The following RIMS2 variants were observed in gnomAD, a reference collection of about 807,000 sequenced individuals.
The protein encoded by RIMS2 is regulating synaptic membrane exocytosis protein 2.
A neutral mutation model predicts 174.4 loss-of-function variants in RIMS2; 59 were observed. The observed-to-expected ratio is 0.34, with a 90% CI of 0.27 to 0.42. The LOEUF (loss-of-function observed/expected upper bound fraction) is 0.42. Ranked by LOEUF, RIMS2 falls within the 10% of genes least tolerant of loss-of-function variation. The pLI, the probability that RIMS2 is intolerant of heterozygous loss-of-function variation, is 1.00. For synonymous variants in RIMS2, 606 were observed against 572.5 expected (o/e 1.06, Z -0.84); for missense variants, 1,620 against 1,666.3 (o/e 0.97, Z 0.48).
intron 19 of RIMS2, among the ~76,000 whole-genome samples, chr8:104,240,643 A>G (rs562237308): frequency 6.6e-6 from 1 of 152,232 alleles, no homozygotes; most frequent in African/African-American, 2.4e-5. Context: ...GCATTAATAC[A>G]CAAACTCGTA....
At chr8:103,883,984 T>C (rs1473487331) in intron 3 of RIMS2, among the ~76,000 whole-genome samples, 5 of 151,848 alleles carry the variant, frequency 3.3e-5, no homozygotes, top group Non-Finnish European at 2.9e-5. Flanking sequence ...TTGGCCTTTA[T>C]TCCTGTCGCC....
intron 2 of RIMS2, among the ~76,000 whole-genome samples, chr8:103,753,470 T>A (rs1251553674): frequency 2.6e-5 from 4 of 152,246 alleles, no homozygotes; most frequent in South Asian, 2.1e-4. Flanking sequence ...AGGGGGAGGA[T>A]TCCCTCTTTT....
chr8:103,982,978 A>G (rs1288077715), intron 16 of RIMS2, among the ~76,000 whole-genome samples: 1 of 152,220 alleles, frequency 6.6e-6, no homozygotes, highest in Admixed American at 6.5e-5. Flanking sequence ...CTTGCAGATG[A>G]CATGATCTTA....
intron 19 of RIMS2, among the ~76,000 whole-genome samples, chr8:104,109,973 A>C (rs7461951): frequency 0.23 from 35,191 of 152,140 alleles, 4,463 homozygotes; most frequent in East Asian, 0.58. Context: ...TAGGGAAAAT[A>C]GTTGTTAACA....
intron 1 of RIMS2, among the ~76,000 whole-genome samples, chr8:103,587,190 G>A (rs558349202): frequency 6.6e-6 from 1 of 151,926 alleles, no homozygotes; most frequent in Non-Finnish European, 1.5e-5. Flanking sequence ...CCAATAACAA[G>A]TATGAGATCA....
intron 1 of RIMS2, among the ~76,000 whole-genome samples, chr8:103,633,860 G>T (rs915331590): frequency 2.0e-5 from 3 of 152,150 alleles, no homozygotes; most frequent in Non-Finnish European, 4.4e-5. Context: ...TCCTATTTCT[G>T]TGGCATCAGT....
At chr8:103,795,408 G>A (rs375868966) in intron 3 of RIMS2, among the ~76,000 whole-genome samples, 1 of 125,522 alleles carries the variant, frequency 8.0e-6, no homozygotes, top group Non-Finnish European at 1.6e-5. Context: ...ACAGAGTAGG[G>A]AACATCACAC....
intron 19 of RIMS2, among the ~76,000 whole-genome samples, chr8:104,121,578 G>C (rs1258448521): frequency 1.3e-5 from 2 of 152,188 alleles, no homozygotes; most frequent in Non-Finnish European, 1.5e-5. Flanking sequence ...TACAAAGTAT[G>C]TGTAAATAGG....
At chr8:103,969,553 T>G (rs562842401) in intron 15 of RIMS2, among the ~76,000 whole-genome samples, 1 of 152,310 alleles carries the variant, frequency 6.6e-6, no homozygotes, top group Admixed American at 6.5e-5. Context: ...TTTTTAGCTC[T>G]TTCTTAGAAT....
intron 2 of RIMS2, among the ~76,000 whole-genome samples, chr8:103,745,899 G>T (rs1176405961): frequency 2.0e-5 from 3 of 152,096 alleles, no homozygotes; most frequent in African/African-American, 7.2e-5. Flanking sequence ...TATTCTGTGG[G>T]TTGTCTTTTC....
intron 4 of RIMS2, among the ~76,000 whole-genome samples, chr8:103,887,300 T>C (rs2099209361): frequency 6.6e-6 from 1 of 151,678 alleles, no homozygotes; most frequent in Non-Finnish European, 1.5e-5. Context: ...TTTATATAGT[T>C]AGGATTTTAC....
intron 2 of RIMS2, among the ~76,000 whole-genome samples, chr8:103,738,208 A>G (rs2097712323): frequency 6.6e-6 from 1 of 152,184 alleles, no homozygotes; most frequent in Non-Finnish European, 1.5e-5. Context: ...AAGAAAAAGG[A>G]CATAAAATGA....
chr8:103,689,716 C>T (rs770439538), intron 1 of RIMS2, among the ~76,000 whole-genome samples: 1 of 151,892 alleles, frequency 6.6e-6, no homozygotes, highest in African/African-American at 2.4e-5. Context: ...TAGGAAATCA[C>T]GTGAAGGTAC....
chr8:103,867,477 G>A (rs2099089356), intron 3 of RIMS2, among the ~76,000 whole-genome samples: 1 of 151,598 alleles, frequency 6.6e-6, no homozygotes, highest in African/African-American at 2.4e-5. Context: ...TTTGTCATCA[G>A]AACTAACCTT....
intron 19 of RIMS2, among the ~76,000 whole-genome samples, chr8:104,224,942 G>C (rs1353466311): frequency 6.6e-6 from 1 of 152,080 alleles, no homozygotes; most frequent in Non-Finnish European, 1.5e-5. Flanking sequence ...AACAGCAGGG[G>C]ACTTCCCTAT....
At chr8:103,605,265 T>C (rs1238614867) in intron 1 of RIMS2, among the ~76,000 whole-genome samples, 1 of 141,090 alleles carries the variant, frequency 7.1e-6, no homozygotes, top group Non-Finnish European at 1.5e-5. Flanking sequence ...AATCATGTGG[T>C]TTTTGTCTTT....
chr8:103,628,717 A>C (rs2095844470), intron 1 of RIMS2, among the ~76,000 whole-genome samples: 1 of 150,800 alleles, frequency 6.6e-6, no homozygotes, highest in East Asian at 1.9e-4. Context: ...TGGGCACTAA[A>C]GAAACCCACA....
chr8:104,094,212 A>G (rs963002809), intron 19 of RIMS2, among the ~76,000 whole-genome samples: 2 of 152,070 alleles, frequency 1.3e-5, no homozygotes, highest in African/African-American at 2.4e-5. Context: ...TAAAAATTTT[A>G]TAACAGGGAG....
At chr8:103,919,580 A>G (rs1341682022) in intron 9 of RIMS2, among the ~76,000 whole-genome samples, 1 of 151,986 alleles carries the variant, frequency 6.6e-6, no homozygotes, top group Non-Finnish European at 1.5e-5. Flanking sequence ...ATCTAGTGGC[A>G]AGATAGTGGT....
Sources: allele counts gnomAD v4.1 joint callset (sites outside exome capture counted in the v4.1 genomes callset), GRCh38; gene constraint gnomAD v4.1.1; transcripts MANE v1.5; gene names NCBI Gene and HGNC (gene_info 2026-07-23, HGNC 2026-07-21).